The following FBXO4 variants were observed in gnomAD, a reference collection of about 807,000 sequenced individuals.
FBXO4 encodes the protein F-box only protein 4.
Under a neutral mutation model 43.7 loss-of-function variants are expected in FBXO4, and 36 were observed. The observed-to-expected ratio is 0.82, with a 90% CI of 0.63 to 1.09. The LOEUF (loss-of-function observed/expected upper bound fraction) is 1.09. FBXO4 is among the 50% of genes least tolerant of loss of function. The pLI, the probability that FBXO4 is intolerant of heterozygous loss-of-function variation, is 0.00. For synonymous variants in FBXO4, 180 were observed against 165.6 expected (o/e 1.09, Z -0.67); for missense variants, 435 against 474.1 (o/e 0.92, Z 0.77).
the FBXO4 span, among the ~76,000 whole-genome samples, chr5:42,010,604 A>G: frequency 6.6e-6 from 1 of 152,082 alleles, no homozygotes; most frequent in South Asian, 2.1e-4. Flanking sequence ...CCACTGATGG[A>G]CACTTGCACT....
At chr5:41,965,146 T>A in the FBXO4 span, among the ~76,000 whole-genome samples, 1 of 152,206 alleles carries the variant, frequency 6.6e-6, no homozygotes, top group Non-Finnish European at 1.5e-5. Context: ...AGGGAATCCT[T>A]TCCCCATTTC....
At chr5:41,991,053 C>T in the FBXO4 span, among the ~76,000 whole-genome samples, 1 of 152,132 alleles carries the variant, frequency 6.6e-6, no homozygotes, top group African/African-American at 2.4e-5. Context: ...CAGGGTCTGC[C>T]TCATTACCAT....
At chr5:41,963,908 CAAAT>C in the FBXO4 span, 13 of 152,094 alleles carry the variant, frequency 8.5e-5, no homozygotes, top group Admixed American at 8.5e-4. Context: ...GGAAAAAGAA[CAAAT>C]AAATCTGCAA....
chr5:42,034,222 C>T, the FBXO4 span, among the ~76,000 whole-genome samples: 1 of 151,800 alleles, frequency 6.6e-6, no homozygotes, highest in African/African-American at 2.4e-5. Context: ...TTTGTTTTTA[C>T]TTGTAAATTT....
the FBXO4 span, among the ~76,000 whole-genome samples, chr5:42,002,184 T>C: frequency 6.6e-6 from 1 of 152,094 alleles, no homozygotes. Context: ...AAAGTACTGG[T>C]TAAAAACAAG....
At chr5:42,039,026 C>T in the FBXO4 span, among the ~76,000 whole-genome samples, 1 of 152,042 alleles carries the variant, frequency 6.6e-6, no homozygotes, top group Non-Finnish European at 1.5e-5. Flanking sequence ...AAATGATTAT[C>T]CATAGTTACA....
the FBXO4 span, among the ~76,000 whole-genome samples, chr5:41,950,742 T>C: frequency 6.6e-6 from 1 of 152,224 alleles, no homozygotes; most frequent in East Asian, 1.9e-4. Flanking sequence ...TAAATCATTC[T>C]ACTATAAAGA....
chr5:41,925,868 C>A (rs897597679), intron 1 of FBXO4, among the ~76,000 whole-genome samples: 20 of 152,196 alleles, frequency 1.3e-4, no homozygotes, highest in African/African-American at 4.6e-4. Context: ...GGAAAGCATT[C>A]CAGCGTCCCT....
chr5:42,038,075 C>G, the FBXO4 span, among the ~76,000 whole-genome samples: 1 of 152,026 alleles, frequency 6.6e-6, no homozygotes, highest in Non-Finnish European at 1.5e-5. Flanking sequence ...TGACGGTGTG[C>G]CCGTTAAAAG....
chr5:42,031,647 A>G, the FBXO4 span, among the ~76,000 whole-genome samples: 1 of 152,038 alleles, frequency 6.6e-6, no homozygotes, highest in Non-Finnish European at 1.5e-5. Flanking sequence ...CAAAAAAAGA[A>G]AGGTCACATA....
the FBXO4 span, among the ~76,000 whole-genome samples, chr5:41,955,145 C>G: frequency 6.6e-6 from 1 of 152,134 alleles, no homozygotes; most frequent in Non-Finnish European, 1.5e-5. Flanking sequence ...AGTCAATGTA[C>G]TTTCACACAT....
chr5:41,993,674 C>T, the FBXO4 span, among the ~76,000 whole-genome samples: 5 of 144,966 alleles, frequency 3.4e-5, no homozygotes, highest in Admixed American at 6.9e-5. Flanking sequence ...TATAAAGGGA[C>T]GTTTATTAAG....
At chr5:41,952,775 G>C in the FBXO4 span, among the ~76,000 whole-genome samples, 4 of 151,946 alleles carry the variant, frequency 2.6e-5, no homozygotes, top group African/African-American at 9.7e-5. Context: ...GCCTCTTTTT[G>C]AGTTTACTAT....
Position 41,925,425 on chromosome 5 carries a change from G to A in FBXO4, c.116G>A (p.Ser39Asn), listed in dbSNP as rs1271862080. Reference sequence around the variant, plus strand: ...TGGAAGACCTTCTGGCAGTCAGTGAGCAAGGAGAGGGTGGCGCGTACGACC... The same window carrying A: ...TGGAAGACCTTCTGGCAGTCAGTGAACAAGGAGAGGGTGGCGCGTACGACC... ...SGWKTFWQSVSKERVARTTSR... is the reference protein window; with the variant it reads ...SGWKTFWQSVNKERVARTTSR... Residue 39 changes from serine to asparagine, a missense_variant, in exon 1 of 7, where the codon AGC becomes AAC. Coordinates refer to ENST00000281623, the MANE Select transcript of FBXO4 (RefSeq NM_012176.3). The A allele has an allele frequency of 3.6e-6, 5 of 1,380,288 alleles. No individual in the cohort carries two copies. The South Asian group carries it at 8.4e-5, about 23-fold the overall frequency. 85.5% of individuals were successfully genotyped at this position (1,380,288 alleles called of 1,614,324 possible).
the FBXO4 span, among the ~76,000 whole-genome samples, chr5:42,024,563 C>A: frequency 6.6e-6 from 1 of 151,938 alleles, no homozygotes; most frequent in African/African-American, 2.4e-5. Flanking sequence ...TACAAACAAT[C>A]CCGTTAATTC....
chr5:42,036,251 G>A, the FBXO4 span, among the ~76,000 whole-genome samples: 1 of 151,742 alleles, frequency 6.6e-6, no homozygotes, highest in African/African-American at 2.4e-5. Flanking sequence ...ATGTTTAGTG[G>A]ATGGGTATGT....
chr5:42,008,202 A>T, the FBXO4 span, among the ~76,000 whole-genome samples: 1,379 of 152,262 alleles, frequency 9.1e-3, 14 homozygotes, highest in Middle Eastern at 0.031. Context: ...TAATGATGCA[A>T]CAAAATCAAT....
the FBXO4 span, among the ~76,000 whole-genome samples, chr5:41,961,252 C>T: frequency 2.6e-5 from 4 of 152,000 alleles, no homozygotes; most frequent in Non-Finnish European, 5.9e-5. Flanking sequence ...AAAGTCATTG[C>T]AGTGTTTGAT....
At chr5:42,010,508 A>G in the FBXO4 span, among the ~76,000 whole-genome samples, 1 of 112,568 alleles carries the variant, frequency 8.9e-6, no homozygotes, top group African/African-American at 3.8e-5. Context: ...CCTCCATCTC[A>G]AAAAAAAAAA....
Sources: allele counts gnomAD v4.1 joint callset (sites outside exome capture counted in the v4.1 genomes callset), GRCh38; gene constraint gnomAD v4.1.1; transcripts MANE v1.5; gene names NCBI Gene and HGNC (gene_info 2026-07-23, HGNC 2026-07-21).